The following TM9SF4 variants were observed in gnomAD, a reference collection of about 807,000 sequenced individuals.
TM9SF4 encodes the protein dinucleotide oxidase disulfide thiol exchanger 3 superfamily member 4.
TM9SF4 carries 26 observed loss-of-function variants against 90.4 expected under a neutral mutation model. The observed-to-expected ratio is 0.29, with a 90% CI of 0.21 to 0.40. The LOEUF (loss-of-function observed/expected upper bound fraction) is 0.40. TM9SF4 is among the 10% of genes least tolerant of loss of function. The probability of loss-of-function intolerance (pLI) is 1.00; values close to 1 mark genes in which losing one functional copy is unlikely to be tolerated. For synonymous variants in TM9SF4, 293 were observed against 315.4 expected, an observed-to-expected ratio of 0.93 and a Z score of 0.75; for missense variants, 549 against 834.8, an observed-to-expected ratio of 0.66 and a Z score of 4.22.
In TM9SF4 at chr20:32,141,655, T is replaced by C. The variant is rs1600816800; in HGVS notation, c.388T>C (p.Tyr130His). 1 of 1,614,094 alleles carries C rather than the reference T, an allele frequency of 6.2e-7. No homozygotes were observed. Among genetic ancestry groups the C allele is most frequent in the East Asian group, 2.2e-5 (1 of 44,872 alleles). Residue 130 changes from tyrosine to histidine, a missense_variant, in exon 4 of 18, where the codon TAC (tyrosine) becomes CAC (histidine). Tyr to His is a moderately conservative substitution (Grantham distance 83, BLOSUM62 2). Transcript: ENST00000398022. ...GGCCGAGCGGATCACAGAAGACTAC[T>C]ACGTCCACCTGTAAGTCGCCCTGTG... is the stretch of plus-strand genomic sequence containing the variant. ...LVAERITEDY[Y>H]VHLIADNLPV...
rs902873230 is a variant in TM9SF4, at chr20:32,165,559, G to C, written c.*115G>C. ...CTGCTCGTTTGGAATGTAACTCCTG[G>C]CACAGTGTTCCTGGATCCTGGGGCT... On this transcript the variant is annotated 3_prime_UTR_variant, in exon 18 of 18. Coordinates refer to ENST00000398022, the MANE Select transcript of TM9SF4 (RefSeq NM_014742.4). 23 of 1,301,754 alleles carry C rather than the reference G, an allele frequency of 1.8e-5. No individual in the cohort carries two copies. In the East Asian group the frequency reaches 5.6e-4, roughly 31 times the overall value. The allele number at this position is 1,301,754 out of a possible 1,614,324, so 80.6% of individuals were successfully genotyped here.
Position 32,157,953 on chromosome 20 carries a change from A to G in TM9SF4, c.1489A>G (p.Met497Val), listed in dbSNP as rs1389687426. ...PRQIPEQRWY[M>V]NRFVGILMAG... ...GCAGATCCCCGAGCAGCGGTGGTAC[A>G]TGAACCGATTTGTGGGGTGAGTCCT... The change falls in exon 14 of 18, where the codon ATG becomes GTG. Residue 497 changes from methionine to valine, a missense_variant. By Grantham distance (21) the Met-to-Val change is conservative. Around this residue, in one of 2 missense-constraint regions of TM9SF4, gnomAD observed 495 missense variants for 711.7 expected, o/e 0.70. Transcript: ENST00000398022. 1.2e-6 allele frequency: 2 copies of G among 1,614,116 alleles called. No homozygotes were observed. Among genetic ancestry groups the G allele is most frequent in the Non-Finnish European group, 8.5e-7 (1 of 1,180,014 alleles).
In TM9SF4 at chr20:32,154,546, C is replaced by T. The variant is rs183504402; in HGVS notation, c.1246-557C>T. Among the ~76,000 whole-genome samples, 61 of 152,300 alleles carry T rather than the reference C, an allele frequency of 4.0e-4. No individual in the cohort carries two copies. The East Asian group carries it at 4.4e-3, about 11-fold the overall frequency. Reference sequence around the variant, plus strand: ...TCTGCTCACTGCAACCTTTGCCTCCCGGGTTCAAGCAATTCTCCAGCCTCA... The same window carrying T: ...TCTGCTCACTGCAACCTTTGCCTCCTGGGTTCAAGCAATTCTCCAGCCTCA... On this transcript the variant is annotated intron_variant, in intron 12 of 17. Transcript: ENST00000398022.
chr20:32,117,948 C>T (rs977087333), intron 1 of TM9SF4, among the ~76,000 whole-genome samples: 2 of 152,140 alleles, frequency 1.3e-5, no homozygotes, highest in Non-Finnish European at 2.9e-5. Flanking sequence ...CAGACTGAAC[C>T]TCTCATGGGA....
chr20:32,160,590 G>A (rs891030335), intron 16 of TM9SF4, among the ~76,000 whole-genome samples: 19 of 152,152 alleles, frequency 1.2e-4, no homozygotes, highest in African/African-American at 4.3e-4. Context: ...GATGGGGTGA[G>A]TGAGAGGACC....
intron 1 of TM9SF4, among the ~76,000 whole-genome samples, chr20:32,123,866 A>ATATATATATATATATTTTT: frequency 1.1e-5 from 1 of 93,956 alleles, no homozygotes; most frequent in African/African-American, 4.5e-5. Flanking sequence ...ATATATATAT[A>ATATATATATATATATTTTT]TTTTTTTTTT....
At chr20:32,128,403 G>C (rs1190809330) in intron 1 of TM9SF4, among the ~76,000 whole-genome samples, 1 of 152,132 alleles carries the variant, frequency 6.6e-6, no homozygotes, top group Non-Finnish European at 1.5e-5. Flanking sequence ...CTGAAATGCA[G>C]GTTCTAGGGT....
intron 1 of TM9SF4, among the ~76,000 whole-genome samples, chr20:32,111,842 G>A (rs996697411): frequency 3.3e-5 from 5 of 152,190 alleles, no homozygotes; most frequent in African/African-American, 1.2e-4. Context: ...AGGCTGGAGG[G>A]GCCGAAGCAT....
In TM9SF4 at chr20:32,155,146, T is replaced by A; in HGVS notation, c.1289T>A (p.Val430Glu). 6.2e-7 allele frequency: 1 copy of A among 1,614,170 alleles called. No homozygotes were observed. Among genetic ancestry groups the A allele is most frequent in the Non-Finnish European group, 8.5e-7 (1 of 1,180,020 alleles). The stretch of plus-strand genomic sequence containing the variant: ...GGTGTGGTTTTTGGCATCTGCTTCG[T>A]ATTGAATTGCTTCATTTGGGGAAAG... Reference protein sequence around the residue: ...YPGVVFGICFVLNCFIWGKHS... With the variant: ...YPGVVFGICFELNCFIWGKHS... Residue 430 changes from valine (V) to glutamate (E), a missense_variant, in exon 13 of 18, where the codon GTA becomes GAA. Val to Glu is a moderately radical substitution (Grantham distance 121, BLOSUM62 -2). Around this residue, in one of 2 missense-constraint regions of TM9SF4, gnomAD observed 495 missense variants for 711.7 expected, o/e 0.70. Coordinates refer to ENST00000398022, the MANE Select transcript of TM9SF4 (RefSeq NM_014742.4).
chr20:32,135,481 A>G (rs1261139178), intron 2 of TM9SF4, among the ~76,000 whole-genome samples: 2 of 152,208 alleles, frequency 1.3e-5, no homozygotes, highest in Admixed American at 6.5e-5. Context: ...AGGGAAACTA[A>G]TTAACATTTT....
chr20:32,141,917 C>A, intron 5 of TM9SF4, 22 bp downstream of exon 5: 1 of 1,613,640 alleles, frequency 6.2e-7, no homozygotes, highest in South Asian at 1.1e-5. Flanking sequence ...TTGGCGTGCT[C>A]ACAGGACCGG....
In TM9SF4 at chr20:32,141,823, C is replaced by T. The variant is rs186133045; in HGVS notation, c.456C>T (p.Ser152=). 1.9e-5 allele frequency: 31 copies of T among 1,614,054 alleles called. No homozygotes were observed. The highest frequency in any genetic ancestry group is 8.0e-5 in the African/African-American group (6 of 74,976). The change falls in exon 5 of 18, where the codon AGC becomes AGT. Residue 152 remains serine, a synonymous_variant. Coordinates refer to ENST00000398022, the MANE Select transcript of TM9SF4 (RefSeq NM_014742.4). ...TRLELYSNRD[S]DDKKKEKDVQ... ...TGGAGCTCTACTCCAACCGAGACAGCGATGACAAGAAGAAGGAAAAAGATG... is the reference window on the plus strand; with the variant it reads ...TGGAGCTCTACTCCAACCGAGACAGTGATGACAAGAAGAAGGAAAAAGATG...
chr20:32,152,000 TACA>T, intron 12 of TM9SF4, among the ~76,000 whole-genome samples: 1 of 151,956 alleles, frequency 6.6e-6, no homozygotes, highest in African/African-American at 2.4e-5. Flanking sequence ...TAGCTGGGAC[TACA>T]GGTGCCCACC....
intron 1 of TM9SF4, among the ~76,000 whole-genome samples, chr20:32,124,836 C>T (rs1004137428): frequency 1.3e-5 from 2 of 152,172 alleles, no homozygotes; most frequent in Admixed American, 6.5e-5. Flanking sequence ...ATCCACCCTC[C>T]TTGGCTTCTC....
intron 1 of TM9SF4, among the ~76,000 whole-genome samples, chr20:32,126,711 A>G (rs192867480): frequency 1.3e-5 from 2 of 151,088 alleles, no homozygotes; most frequent in East Asian, 3.9e-4. Context: ...TAGGTGCTCA[A>G]TAAGTAGTTG....
rs888885824 is a variant in TM9SF4 at position 32,165,587 on chromosome 20, G to A, written c.*143G>A. On this transcript the variant is annotated 3_prime_UTR_variant, in exon 18 of 18. Coordinates refer to ENST00000398022, the MANE Select transcript of TM9SF4 (RefSeq NM_014742.4). ...CAGTGTTCCTGGATCCTGGGGCTGC[G>A]TGGGGGGCGGGAGGGCCTGTAGATA... The A allele has an allele frequency of 6.5e-5, 63 of 968,378 alleles. No homozygotes were observed. Among genetic ancestry groups the A allele is most frequent in the South Asian group, 4.8e-5 (3 of 62,518 alleles). 60.0% of individuals were successfully genotyped at this position (968,378 alleles called of 1,614,324 possible).
At chr20:32,158,554 G>A in intron 15 of TM9SF4, 40 bp downstream of exon 15, 2 of 1,601,722 alleles carry the variant, frequency 1.2e-6, no homozygotes, top group Non-Finnish European at 1.7e-6. Context: ...ACCCATGCTA[G>A]CCGGGTCACT....
At chr20:32,122,788 A>G (rs936457799) in intron 1 of TM9SF4, among the ~76,000 whole-genome samples, 3 of 152,078 alleles carry the variant, frequency 2.0e-5, no homozygotes, top group Admixed American at 6.5e-5. Flanking sequence ...AGAGGCTGCA[A>G]TCTCGGCACT....
intron 3 of TM9SF4, chr20:32,137,069 C>A (rs2046605045): frequency 2.2e-6 from 1 of 455,288 alleles, no homozygotes; most frequent in East Asian, 6.9e-5. Context: ...AGGACCATCT[C>A]CCCCTAATAC....
Sources: gnomAD v4.1 joint callset for allele counts (sites outside exome capture counted in the v4.1 genomes callset) on GRCh38, gnomAD v4.1.1 for gene constraint, gnomAD v4.1.1 regional missense constraint, MANE v1.5 for transcripts, NCBI Gene and HGNC (gene_info 2026-07-23, HGNC 2026-07-21) for gene names.